TPM4: variants seen among roughly 807,000 people sequenced by gnomAD.
The protein encoded by TPM4 is tropomyosin alpha-4 chain.
A neutral mutation model predicts 35.8 loss-of-function variants in TPM4; 17 were observed. The ratio of observed to expected loss-of-function variants is 0.47; its 90% CI spans 0.32 to 0.71. The LOEUF (loss-of-function observed/expected upper bound fraction) is 0.71, where lower values mean the gene tolerates loss of function less well. Ranked by LOEUF, TPM4 falls within the 30% of genes least tolerant of loss-of-function variation. The pLI is 0.03. For synonymous variants in TPM4, 120 were observed against 122.9 expected (o/e 0.98, Z 0.15); for missense variants, 240 against 320.9 (o/e 0.75, Z 1.93).
chr19:16,098,090 C>T (rs1599385624), intron 7 of TPM4, among the ~76,000 whole-genome samples: 1 of 152,312 alleles, frequency 6.6e-6, no homozygotes, highest in Non-Finnish European at 1.5e-5. Flanking sequence ...TTTGAAGTAA[C>T]TATGCAGCCT....
At chr19:16,075,944 G>A, upstream of TPM4, 2 of 1,458,496 alleles carry the variant, frequency 1.4e-6, no homozygotes, top group Non-Finnish European at 1.8e-6. Flanking sequence ...GATGCCCAGA[G>A]AGAGACGGAG....
chr19:16,076,474 T>C, upstream of TPM4: 1 of 1,333,216 alleles, frequency 7.5e-7, no homozygotes, highest in Non-Finnish European at 9.5e-7. Context: ...AGGCAAAGGC[T>C]TGGGGGGCCG....
At chr19:16,096,533 A>G (rs1268902260) in intron 7 of TPM4, among the ~76,000 whole-genome samples, 1 of 152,198 alleles carries the variant, frequency 6.6e-6, no homozygotes, top group Non-Finnish European at 1.5e-5. Context: ...AGCGGCAGTG[A>G]CATTTTGATC....
chr19:16,095,308 G>T, intron 7 of TPM4: 1 of 1,038,200 alleles, frequency 9.6e-7, no homozygotes, highest in South Asian at 4.4e-5. Context: ...TATCAGCGAG[G>T]AACTGGACCA....
intron 3 of TPM4, among the ~76,000 whole-genome samples, chr19:16,087,548 G>T (rs1367666288): frequency 6.6e-6 from 1 of 151,978 alleles, no homozygotes; most frequent in East Asian, 1.9e-4. Flanking sequence ...CTGCATTTCA[G>T]CCTGGGTGAT....
chr19:16,069,476 TGA>T (rs1183404097), intron 2 of TPM4, among the ~76,000 whole-genome samples: 3 of 74,472 alleles, frequency 4.0e-5, no homozygotes, highest in Admixed American at 1.6e-4. Context: ...TGTGTATGGA[TGA>T]GTGTGTGTTT....
chr19:16,089,847 T>A (rs1306572129), intron 5 of TPM4, among the ~76,000 whole-genome samples: 4 of 151,596 alleles, frequency 2.6e-5, no homozygotes, highest in Admixed American at 1.3e-4. Flanking sequence ...AAACCCCTAT[T>A]CAGCCTTTTT....
chr19:16,101,194 C>CTT, intron 7 of TPM4, 70 bp from the exon 8 acceptor site: 2 of 1,260,340 alleles, frequency 1.6e-6, no homozygotes, highest in Non-Finnish European at 2.2e-6. Context: ...AAAAACAAAT[C>CTT]TTTTTTTTTC....
intron 2 of TPM4, among the ~76,000 whole-genome samples, chr19:16,068,831 GTCTA>G (rs1341946648): frequency 1.3e-5 from 2 of 152,158 alleles, no homozygotes; most frequent in East Asian, 3.8e-4. Context: ...TGTTTTACGT[GTCTA>G]TCTGTACATG....
At chr19:16,100,695 G>C (rs1245765916) in intron 7 of TPM4, 1 of 152,360 alleles carries the variant, frequency 6.6e-6, no homozygotes, top group Non-Finnish European at 1.5e-5. Flanking sequence ...GCATGCACCT[G>C]CAGTCCCAGC....
At chr19:16,085,356 C>T (rs60159402) in intron 2 of TPM4, among the ~76,000 whole-genome samples, 11 of 152,126 alleles carry the variant, frequency 7.2e-5, no homozygotes, top group African/African-American at 1.9e-4. Context: ...TGGGCTCAAG[C>T]GATCCTCCTA....
intron 3 of TPM4, 127 bp downstream of exon 3, chr19:16,086,667 T>A: frequency 1.4e-6 from 1 of 732,544 alleles, no homozygotes; most frequent in Non-Finnish European, 2.3e-6. Flanking sequence ...TGCGTGAACA[T>A]ATGTTTGTCC....
intron 5 of TPM4, 52 bp from the exon 6 acceptor site, chr19:16,093,484 A>G (rs2090653258): frequency 1.9e-6 from 3 of 1,607,146 alleles, no homozygotes; most frequent in East Asian, 2.2e-5. Flanking sequence ...ATGAGCCACC[A>G]TGCCTGGCTG....
At position 16,102,906 on chromosome 19, in the gene TPM4, A is replaced by T. The variant is rs565273694; in HGVS notation, c.*1560A>T. The T allele has an allele frequency of 4.4e-6, 1 of 225,162 alleles. No homozygotes were observed. Among genetic ancestry groups the T allele is most frequent in the African/African-American group, 2.2e-5 (1 of 44,734 alleles). 13.9% of individuals were successfully genotyped at this position (225,162 alleles called of 1,614,324 possible). A position where few individuals can be genotyped will look rare whatever the true frequency, so the allele number is the denominator to read the frequency against. On this transcript the variant is annotated 3_prime_UTR_variant, in exon 8 of 8. Transcript: ENST00000643579. Reference sequence around the variant, plus strand: ...AGGAAATACACTAGCAAATTGTGCAATGGAATAAAATCCACACTTTAGATT... The same window carrying T: ...AGGAAATACACTAGCAAATTGTGCATTGGAATAAAATCCACACTTTAGATT...
chr19:16,085,917 AAGTT>A (rs1262435407), intron 2 of TPM4, among the ~76,000 whole-genome samples: 4 of 151,804 alleles, frequency 2.6e-5, no homozygotes, highest in Non-Finnish European at 5.9e-5. Context: ...AAAAATATAA[AAGTT>A]AGCCGGTCAC....
At position 16,076,834 on chromosome 19, in the gene TPM4, C is replaced by T. The variant is rs919046171; in HGVS notation, c.132+137C>T. The stretch of plus-strand genomic sequence containing the variant: ...TACGCCCTCGGACGCCGATCGCCGA[C>T]CCACATCCCTGCGCCCGCAGCCAGG... On this transcript the variant is annotated intron_variant, in intron 1 of 7. Transcript: ENST00000643579. 1.2e-5 allele frequency: 15 copies of T among 1,257,266 alleles called. No individual in the cohort carries two copies. In the South Asian group the frequency reaches 2.9e-4, roughly 25 times the overall value. The allele number at this position is 1,257,266 out of a possible 1,614,324, so 77.9% of individuals were successfully genotyped here.
intron 1 of TPM4, among the ~76,000 whole-genome samples, chr19:16,077,676 C>T (rs563046370): frequency 6.7e-6 from 1 of 148,812 alleles, no homozygotes; most frequent in African/African-American, 2.5e-5. Flanking sequence ...ATAAGAATCC[C>T]GACCCCCCAG....
intron 2 of TPM4, among the ~76,000 whole-genome samples, chr19:16,068,733 TTG>T (rs777051847): frequency 6.6e-5 from 10 of 152,056 alleles, no homozygotes; most frequent in Non-Finnish European, 1.0e-4. Flanking sequence ...GTACACATAT[TTG>T]TGTGTGTGAG....
chr19:16,070,764 C>T lies in TPM4; in HGVS notation c.114+3026C>T, dbSNP rs1250635815. 3.3e-5 allele frequency among the ~76,000 whole-genome samples: 5 copies of T among 152,054 alleles called. No individual in the cohort carries two copies. Among genetic ancestry groups the T allele is most frequent in the East Asian group, 3.9e-4 (2 of 5,176 alleles). ...TTGGGCCTCCCCAGCCCCCCGTGCC[C>T]CAGGGCTGCCCTAAGAGTATGTGGC... On this transcript the variant is annotated intron_variant, in intron 2 of 2. Coordinates refer to the TPM4 transcript ENST00000589897. This position sits in a 1 kb window ranked among gnomAD's most constrained non-coding sequence, Gnocchi z 7.4.
Sources: gnomAD v4.1 joint callset for allele counts (sites outside exome capture counted in the v4.1 genomes callset) on GRCh38, gnomAD v4.1.1 for gene constraint, Gnocchi (gnomAD v3.1) non-coding constraint, MANE v1.5 for transcripts, NCBI Gene and HGNC (gene_info 2026-07-23, HGNC 2026-07-21) for gene names.